The following NALCN variants were observed in gnomAD, a reference collection of about 807,000 sequenced individuals.
NALCN encodes sodium leak channel NALCN.
Under a neutral mutation model 225.3 loss-of-function variants are expected in NALCN, and 111 were observed. The observed-to-expected ratio is 0.49, with a 90% CI of 0.42 to 0.58. The LOEUF is 0.58. Ranked by LOEUF, NALCN falls within the 20% of genes least tolerant of loss-of-function variation. The pLI is 0.00. For missense variants in NALCN, 1,378 were observed against 2,202.4 expected (o/e 0.63, Z 7.49); for synonymous variants, 764 against 769.0 (o/e 0.99, Z 0.11).
chr13:101,393,760 T>C (rs570839035), intron 3 of NALCN, among the ~76,000 whole-genome samples: 2 of 152,250 alleles, frequency 1.3e-5, no homozygotes, highest in South Asian at 4.1e-4. Context: ...TGAGCTGAGA[T>C]CGTGCCATTG....
chr13:101,170,603 TA>T (rs1476604727), intron 15 of NALCN, among the ~76,000 whole-genome samples: 3 of 152,116 alleles, frequency 2.0e-5, no homozygotes, highest in Non-Finnish European at 4.4e-5. Context: ...AAAGAGAATA[TA>T]AGATATTTAT....
chr13:101,412,592 G>T (rs996749410), intron 1 of NALCN, among the ~76,000 whole-genome samples: 1 of 152,100 alleles, frequency 6.6e-6, no homozygotes, highest in Non-Finnish European at 1.5e-5. Context: ...TTTCAACTTC[G>T]CTCCTTCATA....
intron 18 of NALCN, among the ~76,000 whole-genome samples, chr13:101,113,828 A>G (rs570721388): frequency 6.6e-6 from 1 of 152,330 alleles, no homozygotes; most frequent in South Asian, 2.1e-4. Context: ...TTTAACGCTC[A>G]TGGCATTTTG....
chr13:101,123,494 A>G (rs1178046775), intron 18 of NALCN, among the ~76,000 whole-genome samples: 1 of 152,198 alleles, frequency 6.6e-6, no homozygotes, highest in Non-Finnish European at 1.5e-5. Context: ...GTTACCAGCC[A>G]GTCGGGAGTA....
chr13:101,305,503 T>C (rs986509324), intron 7 of NALCN, among the ~76,000 whole-genome samples: 1 of 152,204 alleles, frequency 6.6e-6, no homozygotes, highest in African/African-American at 2.4e-5. Context: ...TTTTCCAGCC[T>C]TTTAACCCTT....
chr13:101,358,739 T>C (rs1430604524), intron 6 of NALCN, among the ~76,000 whole-genome samples: 2 of 152,170 alleles, frequency 1.3e-5, no homozygotes, highest in Admixed American at 1.3e-4. Context: ...TAAAGATACA[T>C]GTACACGTAT....
In NALCN at chr13:101,185,121, T is replaced by C. The variant is rs144716127; in HGVS notation, c.1764+6796A>G. On this transcript the variant is annotated intron_variant, in intron 14 of 43. Transcript: ENST00000251127. ...TCCTAAGCTGTCTTGCCGCCTGTGG[T>C]ATGAAACAATTTCACTTTTTATATG... 7.0e-4 allele frequency among the ~76,000 whole-genome samples: 106 copies of C among 152,320 alleles called. 2 individuals are homozygous for C. The highest frequency in any genetic ancestry group is 2.4e-3 in the African/African-American group (99 of 41,572).
chr13:101,355,680 A>G (rs1594732468), intron 6 of NALCN, among the ~76,000 whole-genome samples: 1 of 152,202 alleles, frequency 6.6e-6, no homozygotes, highest in Non-Finnish European at 1.5e-5. Context: ...ACTTGAACTC[A>G]GCTCTGGATC....
At chr13:101,060,164 G>A (rs183898202) in intron 41 of NALCN, among the ~76,000 whole-genome samples, 197 bp from the exon 42 acceptor site, 33 of 152,100 alleles carry the variant, frequency 2.2e-4, no homozygotes, top group African/African-American at 7.5e-4. Context: ...GCTTAGAGAG[G>A]TATGCATTGA....
At chr13:101,373,730 C>A (rs1164284030) in intron 6 of NALCN, among the ~76,000 whole-genome samples, 1 of 152,080 alleles carries the variant, frequency 6.6e-6, no homozygotes, top group Non-Finnish European at 1.5e-5. Context: ...ACATCTTGAC[C>A]CGTACCTCAT....
At chr13:101,139,148 T>C (rs1392352984) in intron 17 of NALCN, among the ~76,000 whole-genome samples, 1 of 152,192 alleles carries the variant, frequency 6.6e-6, no homozygotes, top group African/African-American at 2.4e-5. Context: ...TTTTAAACTG[T>C]ATAATAAAGG....
chr13:101,386,679 C>T (rs920985363), intron 3 of NALCN, among the ~76,000 whole-genome samples: 5 of 151,904 alleles, frequency 3.3e-5, no homozygotes, highest in Non-Finnish European at 7.4e-5. Context: ...AGCTTTGACA[C>T]GTTTGTTTTG....
chr13:101,315,349 T>G (rs2044516651), intron 7 of NALCN, among the ~76,000 whole-genome samples: 1 of 152,196 alleles, frequency 6.6e-6, no homozygotes, highest in Admixed American at 6.6e-5. Flanking sequence ...TTTCTTTTCC[T>G]TCTTAAAATA....
upstream of NALCN, among the ~76,000 whole-genome samples, chr13:101,416,957 GT>G (rs1566671128): frequency 6.6e-6 from 1 of 152,150 alleles, no homozygotes; most frequent in Non-Finnish European, 1.5e-5. Context: ...TTCACCTCAA[GT>G]TTCACCCCGG....
chr13:101,181,301 C>T (rs766841321), intron 14 of NALCN: 10 of 518,820 alleles, frequency 1.9e-5, no homozygotes, highest in Non-Finnish European at 3.8e-5. Context: ...GGACAGGCGT[C>T]TTGAGTGCCA....
At chr13:101,221,754 T>C (rs990562915) in intron 13 of NALCN, among the ~76,000 whole-genome samples, 5 of 152,186 alleles carry the variant, frequency 3.3e-5, no homozygotes, top group African/African-American at 1.2e-4. Context: ...GAAAGTTTCA[T>C]ACCTAGGACT....
chr13:101,294,136 CA>C (rs568864121), intron 7 of NALCN, among the ~76,000 whole-genome samples: 4 of 151,688 alleles, frequency 2.6e-5, no homozygotes, highest in East Asian at 1.9e-4. Flanking sequence ...ATCATCAGGT[CA>C]AAAAAAATTT....
At chr13:101,378,148 C>T (rs1230537760) in intron 4 of NALCN, among the ~76,000 whole-genome samples, 1 of 151,946 alleles carries the variant, frequency 6.6e-6, no homozygotes, top group Non-Finnish European at 1.5e-5. Context: ...ATCTGATTAA[C>T]AGCTAATAAT....
At chr13:101,198,446 A>G (rs1233033539) in intron 13 of NALCN, among the ~76,000 whole-genome samples, 1 of 152,236 alleles carries the variant, frequency 6.6e-6, no homozygotes, top group Non-Finnish European at 1.5e-5. Flanking sequence ...AATTATAAGA[A>G]GAAAACAAAC....
Sources: allele counts gnomAD v4.1 joint callset (sites outside exome capture counted in the v4.1 genomes callset), GRCh38; gene constraint gnomAD v4.1.1; transcripts MANE v1.5; gene names NCBI Gene and HGNC (gene_info 2026-07-23, HGNC 2026-07-21).